POU2F2: variants seen among roughly 807,000 people sequenced by gnomAD.
POU2F2 encodes POU domain, class 2, transcription factor 2.
In POU2F2, 14 loss-of-function variants were observed where a neutral mutation model predicts 63.5. The ratio of observed to expected loss-of-function variants is 0.22; its 90% CI spans 0.15 to 0.34. POU2F2 has a LOEUF of 0.34. POU2F2 is among the 10% of genes least tolerant of loss of function. POU2F2 has a pLI of 1.00. For synonymous variants in POU2F2, 306 were observed against 348.6 expected (o/e 0.88, Z 1.36); for missense variants, 607 against 815.2 (o/e 0.74, Z 3.11).
At chr19:42,126,922 A>T (rs1185111279) in intron 1 of POU2F2, among the ~76,000 whole-genome samples, 3 of 151,846 alleles carry the variant, frequency 2.0e-5, no homozygotes, top group African/African-American at 7.3e-5. Context: ...TATTTTATTT[A>T]ATTTATATTT....
At chr19:42,196,145 C>T (rs2035143057) in intron 1 of POU2F2, among the ~76,000 whole-genome samples, 1 of 152,096 alleles carries the variant, frequency 6.6e-6, no homozygotes, top group Non-Finnish European at 1.5e-5. Flanking sequence ...CCAGCGTCCC[C>T]TGGGCTCCGA....
At chr19:42,197,469 C>T (rs370969127), upstream of POU2F2, among the ~76,000 whole-genome samples, 3 of 152,156 alleles carry the variant, frequency 2.0e-5, no homozygotes, top group Non-Finnish European at 2.9e-5. Flanking sequence ...CACATCAAGA[C>T]GGGTCGAAAT....
chr19:42,184,702 C>G (rs2034996019), intron 1 of POU2F2, among the ~76,000 whole-genome samples: 1 of 152,114 alleles, frequency 6.6e-6, no homozygotes, highest in Non-Finnish European at 1.5e-5. Context: ...TCCTCTGCAG[C>G]ATGCAGCCAC....
chr19:42,195,517 A>T (rs1488278169), intron 1 of POU2F2, among the ~76,000 whole-genome samples: 1 of 151,562 alleles, frequency 6.6e-6, no homozygotes, highest in Non-Finnish European at 1.5e-5. Flanking sequence ...TATTTTTAGT[A>T]GAGAAGGGGT....
chr19:42,131,864 C>T (rs2033765610), intron 1 of POU2F2, among the ~76,000 whole-genome samples: 1 of 152,036 alleles, frequency 6.6e-6, no homozygotes, highest in Non-Finnish European at 1.5e-5. Flanking sequence ...GCAATCATCA[C>T]CCCACAATGC....
Position 42,091,376 on chromosome 19 carries a change from G to A in POU2F2, c.1756C>T (p.Pro586Ser), listed in dbSNP as rs2076706478. 5.2e-6 allele frequency: 8 copies of A among 1,541,372 alleles called. No homozygotes were observed. The highest frequency in any genetic ancestry group is 7.0e-6 in the Non-Finnish European group (8 of 1,146,880). Residue 586 changes from proline (P) to serine (S), a missense_variant, in exon 15 of 15, where the codon CCT (proline) becomes TCT (serine). Transcript: ENST00000692977. ...AVAASISSKS[P>S]GLSSSSSSSS... ...GAAGAGGATGAGGAGGAGAGGCCAG[G>A]AGACTTGCTGGAGATGGAGGCTGCC... is the stretch of plus-strand genomic sequence containing the variant.
At chr19:42,119,454 C>T (rs1449585712) in intron 4 of POU2F2, among the ~76,000 whole-genome samples, 2 of 152,224 alleles carry the variant, frequency 1.3e-5, no homozygotes, top group East Asian at 3.8e-4. Context: ...GGGAGGATCA[C>T]TTGAGGTCTG....
Position 42,095,491 on chromosome 19 carries a change from G to A in POU2F2, c.1021-29C>T. ...CAGGCAGAGGGCTCGTTAGCCCGAG[G>A]CCCACCGCCCGCCACCCCTCAGGTG... On this transcript the variant is annotated intron_variant, in intron 10 of 14. Transcript: ENST00000692977. The surrounding 1 kb of genome is among the most constrained non-coding windows in gnomAD (Gnocchi z 7.1). 1 of 1,607,064 alleles carries A rather than the reference G, an allele frequency of 6.2e-7. No homozygotes were observed. Among genetic ancestry groups the A allele is most frequent in the Non-Finnish European group, 8.5e-7 (1 of 1,176,992 alleles).
rs1483229809 is a variant in POU2F2 at position 42,094,035 on chromosome 19, G to A, written c.1198-140C>T. 2.3e-5 allele frequency: 15 copies of A among 644,144 alleles called. No individual in the cohort carries two copies. In the East Asian group the frequency reaches 4.4e-4, roughly 19 times the overall value. The allele number at this position is 644,144 out of a possible 1,614,324, so 39.9% of individuals were successfully genotyped here. On this transcript the variant is annotated intron_variant, in intron 11 of 14. Coordinates refer to ENST00000692977, the MANE Select transcript of POU2F2 (RefSeq NM_001394376.1). ...ATGCTGCATTTGTATTATTCCACATGCTTTCTTCACACTTGCCCTAGCTGA... is the reference window on the plus strand; with the variant it reads ...ATGCTGCATTTGTATTATTCCACATACTTTCTTCACACTTGCCCTAGCTGA...
At chr19:42,100,304 T>C (rs571782039) in intron 5 of POU2F2, among the ~76,000 whole-genome samples, 1 of 151,948 alleles carries the variant, frequency 6.6e-6, no homozygotes, top group African/African-American at 2.4e-5. Context: ...ATAGCCAGGA[T>C]GGTCTCAATC....
At chr19:42,196,075 G>A (rs953615329) in intron 1 of POU2F2, among the ~76,000 whole-genome samples, 54 of 152,222 alleles carry the variant, frequency 3.5e-4, no homozygotes, top group Middle Eastern at 3.4e-3. Context: ...ACAACTAAAC[G>A]TATCTGGGCG....
intron 1 of POU2F2, among the ~76,000 whole-genome samples, chr19:42,196,071 A>G (rs1049722630): frequency 1.8e-4 from 28 of 152,258 alleles, no homozygotes; most frequent in African/African-American, 6.3e-4. Context: ...TTTCACAACT[A>G]AACGTATCTG....
At chr19:42,188,669 CA>C (rs998040622) in intron 1 of POU2F2, among the ~76,000 whole-genome samples, 4,092 of 38,092 alleles carry the variant, frequency 0.11, 215 homozygotes, top group African/African-American at 0.28. Context: ...GAGTTCATCT[CA>C]AAAAAAAAAA....
chr19:42,091,606 G>A lies in POU2F2; in HGVS notation c.1541-15C>T, dbSNP rs1234262344. On this transcript the variant is annotated splice_polypyrimidine_tract_variant and intron_variant, in intron 14 of 14. Transcript: ENST00000692977. ...AGAGGCCAGGGCTGGCGGGGAGAGAGAGAGGCTGGGCTAAGGGCATGCCGG... is the reference window on the plus strand; with the variant it reads ...AGAGGCCAGGGCTGGCGGGGAGAGAAAGAGGCTGGGCTAAGGGCATGCCGG... 6.5e-7 allele frequency: 1 copy of A among 1,541,596 alleles called. No homozygotes were observed. The highest frequency in any genetic ancestry group is 1.4e-5 in the African/African-American group (1 of 73,522).
At chr19:42,189,006 G>C (rs1265094690) in intron 1 of POU2F2, among the ~76,000 whole-genome samples, 1 of 152,080 alleles carries the variant, frequency 6.6e-6, no homozygotes, top group Non-Finnish European at 1.5e-5. Flanking sequence ...ATTTCTAAAA[G>C]AGAGGTACTG....
chr19:42,194,365 G>C (rs1229208078), intron 1 of POU2F2, among the ~76,000 whole-genome samples: 2 of 152,064 alleles, frequency 1.3e-5, no homozygotes, highest in Admixed American at 6.6e-5. Flanking sequence ...CTGGGTAACA[G>C]AGCAAGACCC....
chr19:42,132,588 A>C, upstream of POU2F2: 2 of 492,870 alleles, frequency 4.1e-6, no homozygotes, highest in Non-Finnish European at 3.4e-6. Flanking sequence ...CCCACCCCAA[A>C]TCATGTGTGT....
chr19:42,153,456 C>G lies in POU2F2; in HGVS notation c.-9+6876G>C, dbSNP rs2034394046. ...TGTGTTCCCATGTGCTCTGGGAAGC[C>G]TGTGTGTGTTGGCGTGCGCATGCCC... On this transcript the variant is annotated intron_variant, in intron 2 of 6. Transcript: ENST00000524801. This position sits in a 1 kb window ranked among gnomAD's most constrained non-coding sequence, Gnocchi z 5.6. 6.6e-6 allele frequency among the ~76,000 whole-genome samples: 1 copy of G among 152,126 alleles called. No homozygotes were observed. Among genetic ancestry groups the G allele is most frequent in the Non-Finnish European group, 1.5e-5 (1 of 68,020 alleles).
At chr19:42,120,218 C>CA (rs2032435461) in intron 4 of POU2F2, among the ~76,000 whole-genome samples, 1 of 139,158 alleles carries the variant, frequency 7.2e-6, no homozygotes, top group African/African-American at 2.7e-5. Flanking sequence ...GCCTAATCTC[C>CA]TTTTTTTTTT....
Sources: allele counts gnomAD v4.1 joint callset (sites outside exome capture counted in the v4.1 genomes callset), GRCh38; gene constraint gnomAD v4.1.1; non-coding constraint Gnocchi (gnomAD v3.1); transcripts MANE v1.5; gene names NCBI Gene and HGNC (gene_info 2026-07-23, HGNC 2026-07-21).